The following SMARCC1 variants were observed in gnomAD, a reference collection of about 807,000 sequenced individuals.
SMARCC1 encodes the protein SWI/SNF related BAF chromatin remodeling complex subunit C1, also known as SWI/SNF complex subunit SMARCC1.
SMARCC1 carries 43 observed loss-of-function variants against 147.4 expected under a neutral mutation model. The ratio of observed to expected loss-of-function variants is 0.29; its 90% CI spans 0.23 to 0.38. SMARCC1 has a LOEUF of 0.38. Ranked by LOEUF, SMARCC1 falls within the 10% of genes least tolerant of loss-of-function variation. The pLI is 1.00. For missense variants in SMARCC1, 1,119 were observed against 1,381.1 expected (o/e 0.81, Z 3.01); for synonymous variants, 495 against 484.4 (o/e 1.02, Z -0.29).
intron 14 of SMARCC1, among the ~76,000 whole-genome samples, chr3:47,685,123 T>C (rs930733612): frequency 1.1e-4 from 16 of 152,122 alleles, no homozygotes; most frequent in South Asian, 2.1e-4. Flanking sequence ...CTTCTATGCA[T>C]TGGGGCCACT....
At chr3:47,664,870 T>C (rs938812035) in intron 19 of SMARCC1, among the ~76,000 whole-genome samples, 2 of 152,194 alleles carry the variant, frequency 1.3e-5, no homozygotes, top group Admixed American at 6.5e-5. Context: ...AATGTCAATA[T>C]TGAATGCTCC....
intron 26 of SMARCC1, among the ~76,000 whole-genome samples, chr3:47,608,215 G>A (rs2032509289): frequency 6.6e-6 from 1 of 152,186 alleles, no homozygotes; most frequent in African/African-American, 2.4e-5. Flanking sequence ...AGCCTCCTGA[G>A]TAGATGGGAC....
At chr3:47,741,834 A>G (rs1043298166) in intron 3 of SMARCC1, among the ~76,000 whole-genome samples, 4 of 151,728 alleles carry the variant, frequency 2.6e-5, no homozygotes, top group Admixed American at 2.6e-4. Flanking sequence ...CTTCTGCCTC[A>G]GCCTCCCAAA....
intron 8 of SMARCC1, among the ~76,000 whole-genome samples, chr3:47,712,844 T>C (rs567602785): frequency 1.4e-4 from 21 of 152,282 alleles, no homozygotes; most frequent in African/African-American, 5.1e-4. Context: ...TCCTTCCTAA[T>C]AATGTGATAC....
chr3:47,765,433 C>G (rs570136097), intron 2 of SMARCC1, among the ~76,000 whole-genome samples: 1 of 151,788 alleles, frequency 6.6e-6, no homozygotes, highest in African/African-American at 2.4e-5. Flanking sequence ...ATTTTACTCA[C>G]TTTCTATATA....
At chr3:47,705,969 T>G (rs1326280682) in intron 10 of SMARCC1, among the ~76,000 whole-genome samples, 1 of 152,172 alleles carries the variant, frequency 6.6e-6, no homozygotes, top group East Asian at 1.9e-4. Context: ...AGTGTAGCCC[T>G]GAACCAGGCG....
intron 2 of SMARCC1, among the ~76,000 whole-genome samples, chr3:47,749,670 A>AATACACACACACACAC (rs2034604110): frequency 1.1e-5 from 1 of 92,414 alleles, no homozygotes; most frequent in Non-Finnish European, 2.4e-5. Context: ...CTCTAAATTA[A>AATACACACACACACAC]ACACACACAC....
chr3:47,596,872 CTTTT>C (rs570013497), intron 26 of SMARCC1, among the ~76,000 whole-genome samples: 1 of 146,066 alleles, frequency 6.8e-6, no homozygotes, highest in Non-Finnish European at 1.5e-5. Flanking sequence ...CAAGTTCCTT[CTTTT>C]TTTTTTTATT....
rs1239803119 is a variant in SMARCC1 at position 47,610,333 on chromosome 3, A to C, written c.2782-6T>G. The C allele has an allele frequency of 6.2e-7, 1 of 1,614,110 alleles. No individual in the cohort carries two copies. Among genetic ancestry groups the C allele is most frequent in the South Asian group, 1.1e-5 (1 of 91,082 alleles). ...TGCTGCCTCTGTTGTTCTAGCTGTA[A>C]GCAAAGGAAGTGGAAGAGAAATGAC... On this transcript the variant is annotated splice_region_variant and splice_polypyrimidine_tract_variant and intron_variant, in intron 25 of 27. Coordinates refer to ENST00000254480, the MANE Select transcript of SMARCC1 (RefSeq NM_003074.4).
At chr3:47,643,436 C>T (rs544061470) in intron 21 of SMARCC1, among the ~76,000 whole-genome samples, 3 of 151,754 alleles carry the variant, frequency 2.0e-5, no homozygotes, top group South Asian at 4.2e-4. Flanking sequence ...TAGAATCACA[C>T]AAGAGGATTT....
intron 5 of SMARCC1, among the ~76,000 whole-genome samples, chr3:47,735,165 T>C (rs1056573987): frequency 3.3e-5 from 5 of 152,208 alleles, no homozygotes; most frequent in African/African-American, 1.2e-4. Flanking sequence ...AACAATTATG[T>C]TACCAACTCT....
intron 26 of SMARCC1, among the ~76,000 whole-genome samples, chr3:47,599,432 A>G (rs4858801): frequency 0.59 from 90,521 of 152,146 alleles, 28,212 homozygotes; most frequent in East Asian, 0.72. Flanking sequence ...AACATGTGCT[A>G]TGCCTTAGGC....
At chr3:47,766,821 A>G (rs1485730099) in intron 2 of SMARCC1, among the ~76,000 whole-genome samples, 1 of 151,680 alleles carries the variant, frequency 6.6e-6, no homozygotes, top group Admixed American at 6.6e-5. Flanking sequence ...TTCTTTCTAA[A>G]TCTCTCAGCA....
intron 2 of SMARCC1, among the ~76,000 whole-genome samples, chr3:47,771,543 C>T (rs1354540483): frequency 1.3e-5 from 2 of 151,940 alleles, no homozygotes; most frequent in East Asian, 1.9e-4. Flanking sequence ...AGTTCAAGAC[C>T]AGCGGGGCCA....
At chr3:47,700,609 C>T (rs1322988059) in intron 11 of SMARCC1, among the ~76,000 whole-genome samples, 1 of 152,146 alleles carries the variant, frequency 6.6e-6, no homozygotes, top group Non-Finnish European at 1.5e-5. Context: ...ACCTCCGCCT[C>T]CTGCAACCTC....
intron 2 of SMARCC1, among the ~76,000 whole-genome samples, chr3:47,766,902 T>C (rs1339716500): frequency 6.6e-6 from 1 of 152,066 alleles, no homozygotes; most frequent in Non-Finnish European, 1.5e-5. Flanking sequence ...AGTTCCACTC[T>C]AGCTGGGCAT....
chr3:47,671,595 G>C (rs185980549), intron 18 of SMARCC1, among the ~76,000 whole-genome samples: 2 of 152,282 alleles, frequency 1.3e-5, no homozygotes, highest in African/African-American at 4.8e-5. Flanking sequence ...GTGACGATGT[G>C]AGTATAACAG....
At chr3:47,669,778 A>G (rs549664561) in intron 19 of SMARCC1, among the ~76,000 whole-genome samples, 35 of 152,332 alleles carry the variant, frequency 2.3e-4, no homozygotes, top group African/African-American at 8.4e-4. Context: ...TGCACCAATG[A>G]TACTTCTACA....
intron 26 of SMARCC1, among the ~76,000 whole-genome samples, chr3:47,608,870 A>AG (rs1405883539): frequency 1.3e-5 from 2 of 151,232 alleles, no homozygotes; most frequent in African/African-American, 4.9e-5. Flanking sequence ...AAAAAAAAAA[A>AG]AAAAGTGTGA....
Sources: allele counts gnomAD v4.1 joint callset (sites outside exome capture counted in the v4.1 genomes callset), GRCh38; gene constraint gnomAD v4.1.1; transcripts MANE v1.5; gene names NCBI Gene and HGNC (gene_info 2026-07-23, HGNC 2026-07-21).